Variants in NR3C1 observed in about 807,000 individuals in gnomAD.
NR3C1 encodes glucocorticoid receptor.
NR3C1 carries 14 observed loss-of-function variants against 74.0 expected under a neutral mutation model. The ratio of observed to expected loss-of-function variants is 0.19; its 90% CI spans 0.12 to 0.30. The LOEUF is 0.30. NR3C1 is among the 10% of genes least tolerant of loss of function. NR3C1 has a pLI of 1.00. For missense variants in NR3C1, 695 were observed against 909.8 expected (o/e 0.76, Z 3.04); for synonymous variants, 308 against 332.5 (o/e 0.93, Z 0.80).
chr5:143,310,698 G>C (rs922301572), intron 3 of NR3C1, among the ~76,000 whole-genome samples: 4 of 152,078 alleles, frequency 2.6e-5, no homozygotes, highest in African/African-American at 9.7e-5. Flanking sequence ...CTGTCGCCCA[G>C]GCTGGGAGTG....
chr5:143,294,631 GCA>G (rs1184713400), intron 7 of NR3C1, among the ~76,000 whole-genome samples: 1 of 152,054 alleles, frequency 6.6e-6, no homozygotes, highest in Admixed American at 6.6e-5. Context: ...TCTGTGCTCT[GCA>G]CATTTATCCC....
At chr5:143,348,924 C>A (rs897642050) in intron 2 of NR3C1, among the ~76,000 whole-genome samples, 3 of 152,076 alleles carry the variant, frequency 2.0e-5, no homozygotes, top group South Asian at 4.1e-4. Context: ...GTATTATTGA[C>A]AAAGGAAAAC....
At chr5:143,404,537 G>A, upstream of NR3C1, 12 of 713,456 alleles carry the variant, frequency 1.7e-5, no homozygotes, top group Non-Finnish European at 1.9e-5. Context: ...CCTCTTCCCC[G>A]AGTCTGCGAG....
chr5:143,403,417 C>T lies in NR3C1; in HGVS notation c.-220G>A. On this transcript the variant is annotated 5_prime_UTR_variant, in exon 1 of 9. Transcript: ENST00000394464. ...TCCCATTGCCCAGCTGACAAGCCAG[C>T]CCTCCGCCCCGCGCCGGGCTCCGCG... 1.0e-6 allele frequency: 1 copy of T among 981,780 alleles called. No individual in the cohort carries two copies. Among genetic ancestry groups the T allele is most frequent in the Non-Finnish European group, 1.2e-6 (1 of 829,020 alleles). The allele number at this position is 981,780 out of a possible 1,614,324, so 60.8% of individuals were successfully genotyped here.
At chr5:143,321,867 T>G (rs1181200182) in intron 2 of NR3C1, among the ~76,000 whole-genome samples, 1 of 152,250 alleles carries the variant, frequency 6.6e-6, no homozygotes, top group East Asian at 1.9e-4. Flanking sequence ...TGATCCTATG[T>G]TACCTTTTGA....
chr5:143,331,763 G>T (rs948870382), intron 2 of NR3C1, among the ~76,000 whole-genome samples: 1 of 152,090 alleles, frequency 6.6e-6, no homozygotes, highest in Non-Finnish European at 1.5e-5. Flanking sequence ...AGAAGGGAAG[G>T]ACAGACACTG....
intron 3 of NR3C1, among the ~76,000 whole-genome samples, chr5:143,311,395 G>A (rs1055046286): frequency 2.6e-5 from 4 of 152,238 alleles, no homozygotes; most frequent in African/African-American, 9.6e-5. Context: ...TGCACATTAC[G>A]CCAATCTTGA....
rs912856395 is a variant in NR3C1, at chr5:143,434,962, T to A, written c.-444A>T. Reference sequence around the variant, plus strand: ...GATCCTGTCTCTCGGGTATAACTTTTTTTTTTTTGGAGAGAAATACAGTGA... The same window carrying A: ...GATCCTGTCTCTCGGGTATAACTTTATTTTTTTTGGAGAGAAATACAGTGA... On this transcript the variant is annotated 5_prime_UTR_variant, in exon 1 of 9. Coordinates refer to the NR3C1 transcript ENST00000343796. 33 of 985,260 alleles carry A rather than the reference T, an allele frequency of 3.3e-5. No homozygotes were observed. The Admixed American group carries it at 1.7e-3, about 51-fold the overall frequency. The allele number at this position is 985,260 out of a possible 1,614,324, so 61.0% of individuals were successfully genotyped here. A position where few individuals can be genotyped will look rare whatever the true frequency, so the allele number is the denominator to read the frequency against.
At chr5:143,429,579 C>T (rs894445309) in intron 1 of NR3C1, among the ~76,000 whole-genome samples, 3 of 152,168 alleles carry the variant, frequency 2.0e-5, no homozygotes, top group African/African-American at 7.2e-5. Flanking sequence ...GGCAGTCATG[C>T]ACCTAGAACC....
chr5:143,328,343 A>G (rs1825114433), intron 2 of NR3C1, among the ~76,000 whole-genome samples: 1 of 152,198 alleles, frequency 6.6e-6, no homozygotes, highest in African/African-American at 2.4e-5. Flanking sequence ...CAGGCCTGTG[A>G]TGGGAGGGGC....
chr5:143,402,494 T>C, intron 1 of NR3C1: 1 of 696,390 alleles, frequency 1.4e-6, no homozygotes, highest in Non-Finnish European at 1.8e-6. Context: ...AGGGGCCACT[T>C]AGAAACCTCA....
At position 143,343,316 on chromosome 5, in the gene NR3C1, T is replaced by C. The variant is rs903235871; in HGVS notation, c.1185-29148A>G. ...GGGTTTCGGCTCCCTCTTTGGTAACTCATGGATAAAGCTAATTGTCTAGCA... is the reference window on the plus strand; with the variant it reads ...GGGTTTCGGCTCCCTCTTTGGTAACCCATGGATAAAGCTAATTGTCTAGCA... On this transcript the variant is annotated intron_variant, in intron 2 of 8. Coordinates refer to ENST00000394464, the MANE Select transcript of NR3C1 (RefSeq NM_000176.3). 2.0e-4 allele frequency among the ~76,000 whole-genome samples: 31 copies of C among 152,310 alleles called. No homozygotes were observed. In the East Asian group the frequency reaches 5.0e-3, roughly 25 times the overall value.
chr5:143,361,683 T>G (rs1435251998), intron 2 of NR3C1, among the ~76,000 whole-genome samples: 2 of 152,190 alleles, frequency 1.3e-5, no homozygotes, highest in Non-Finnish European at 2.9e-5. Context: ...AGGCACTGAC[T>G]TGAAATATTT....
chr5:143,355,483 TAATAAATA>T (rs557247874), intron 2 of NR3C1, among the ~76,000 whole-genome samples: 2 of 151,778 alleles, frequency 1.3e-5, no homozygotes, highest in African/African-American at 4.8e-5. Context: ...CTTTAAAAAA[TAATAAATA>T]AATAAATAAA....
At chr5:143,293,631 A>G (rs1167648567) in intron 7 of NR3C1, among the ~76,000 whole-genome samples, 3 of 152,212 alleles carry the variant, frequency 2.0e-5, no homozygotes, top group African/African-American at 4.8e-5. Flanking sequence ...AGTTCCACTT[A>G]TCTCTGTAGG....
intron 2 of NR3C1, among the ~76,000 whole-genome samples, chr5:143,371,770 T>C (rs1377357704): frequency 6.6e-6 from 1 of 152,362 alleles, no homozygotes; most frequent in African/African-American, 2.4e-5. Context: ...GTTCTGTAAA[T>C]ACTAAGAGTT....
At chr5:143,372,147 T>G (rs1433043682) in intron 2 of NR3C1, among the ~76,000 whole-genome samples, 2 of 152,244 alleles carry the variant, frequency 1.3e-5, no homozygotes, top group Non-Finnish European at 2.9e-5. Flanking sequence ...CACAATTTCA[T>G]GTATAAAAGA....
rs191544350 is a variant in NR3C1, at chr5:143,399,013, C to G, written c.1184+643G>C. On this transcript the variant is annotated intron_variant, in intron 2 of 8. Coordinates refer to ENST00000394464, the MANE Select transcript of NR3C1 (RefSeq NM_000176.3). ...CAATTCCTCTCTTAAAGAGATTGAT[C>G]AGCAGACATAACTTGTCTACTTTAT... Among the ~76,000 whole-genome samples the G allele has an allele frequency of 5.3e-5, 8 of 152,252 alleles. No homozygotes were observed. In the East Asian group the frequency reaches 1.2e-3, roughly 22 times the overall value.
At chr5:143,354,877 T>A (rs1830851166) in intron 2 of NR3C1, among the ~76,000 whole-genome samples, 1 of 143,514 alleles carries the variant, frequency 7.0e-6, no homozygotes, top group Non-Finnish European at 1.5e-5. Flanking sequence ...GAGCCAAGAT[T>A]GAACCACTGC....
Sources: allele counts gnomAD v4.1 joint callset (sites outside exome capture counted in the v4.1 genomes callset), GRCh38; gene constraint gnomAD v4.1.1; transcripts MANE v1.5; gene names NCBI Gene and HGNC (gene_info 2026-07-23, HGNC 2026-07-21).